Variants in PABPC4 observed in about 807,000 individuals in gnomAD.
PABPC4 encodes the protein poly(A) binding protein cytoplasmic 4.
Under a neutral mutation model 74.5 loss-of-function variants are expected in PABPC4, and 15 were observed. That is an observed-to-expected ratio of 0.20 (90% CI 0.13 to 0.31). PABPC4 has a LOEUF of 0.31. Among genes scored for constraint, PABPC4 ranks in the 10% least tolerant of loss-of-function variants. The probability of loss-of-function intolerance (pLI) is 1.00; values close to 1 mark genes in which losing one functional copy is unlikely to be tolerated. For missense variants in PABPC4, 610 were observed against 853.5 expected, an observed-to-expected ratio of 0.71 and a Z score of 3.55; for synonymous variants, 345 against 303.0, an observed-to-expected ratio of 1.14 and a Z score of -1.44.
At position 39,565,172 on chromosome 1, in the gene PABPC4, AG is replaced by A; in HGVS notation, c.1178del (p.Pro393LeufsTer6). 1 of 1,614,158 alleles carries A rather than the reference AG, an allele frequency of 6.2e-7. No homozygotes were observed. The highest frequency in any genetic ancestry group is 8.5e-7 in the Non-Finnish European group (1 of 1,179,992). ...GGAACTGATTTAAGATGGCATTGGC[AG>A]GAAGTGCTCTCATTCCAGCCACTCG... Reference protein sequence around the residue: ...MQRVAGMRALPANAILNQFQP... With the variant: ...MQRVAGMRALXANAILNQFQP... On this transcript the variant is annotated frameshift_variant, in exon 8 of 16. Coordinates refer to ENST00000372858, the MANE Select transcript of PABPC4 (RefSeq NM_001135653.2). LOFTEE classifies it high-confidence loss of function.
chr1:39,567,557 T>C, intron 7 of PABPC4, 194 bp downstream of exon 7: 1 of 682,874 alleles, frequency 1.5e-6, no homozygotes, highest in Admixed American at 1.8e-5. Flanking sequence ...CAGACTCCAG[T>C]GCTTGGGAAA....
Position 39,561,590 on chromosome 1 carries a change from G to T in PABPC4, c.*13+95C>A, listed in dbSNP as rs1461080936. 4 of 796,134 alleles carry T rather than the reference G, an allele frequency of 5.0e-6. No individual in the cohort carries two copies. The African/African-American group carries it at 6.8e-5, about 14-fold the overall frequency. The allele number at this position is 796,134 out of a possible 1,614,324, so 49.3% of individuals were successfully genotyped here. On this transcript the variant is annotated intron_variant, in intron 15 of 15. Coordinates refer to ENST00000372858, the MANE Select transcript of PABPC4 (RefSeq NM_001135653.2). ...GTACTTATTGTATTCCCAGAGCTAA[G>T]CAGTGAGCATATATACAACCTCAGG...
intron 12 of PABPC4, chr1:39,563,326 TG>T (rs1334791111): frequency 8.1e-6 from 3 of 368,642 alleles, no homozygotes; most frequent in Non-Finnish European, 1.5e-5. Context: ...GGAAGTGACC[TG>T]GAGGCTCAAA....
chr1:39,569,706 G>A lies in PABPC4; in HGVS notation c.644-17C>T. ...GGGTCTTACCTATTACCAAAGGACA[G>A]AACTATTAGTAACACCATCTTGAGC... On this transcript the variant is annotated splice_polypyrimidine_tract_variant and intron_variant, in intron 4 of 15. Transcript: ENST00000372858. The A allele has an allele frequency of 1.9e-6, 3 of 1,600,400 alleles. No individual in the cohort carries two copies. The highest frequency in any genetic ancestry group is 2.6e-6 in the Non-Finnish European group (3 of 1,167,474).
intron 2 of PABPC4, among the ~76,000 whole-genome samples, chr1:39,572,077 TAA>T (rs1645950208): frequency 6.6e-6 from 1 of 152,224 alleles, no homozygotes; most frequent in Admixed American, 6.5e-5. Flanking sequence ...CTAAAGTGAT[TAA>T]GTTTCCTCAA....
At chr1:39,569,046 A>C in intron 5 of PABPC4, 107 bp from the exon 6 acceptor site, 1 of 1,171,768 alleles carries the variant, frequency 8.5e-7, no homozygotes. Flanking sequence ...TAAAAACTAA[A>C]TTCACTCCAC....
At chr1:39,568,134 G>A (rs939338113) in intron 6 of PABPC4, 4 of 267,624 alleles carry the variant, frequency 1.5e-5, no homozygotes, top group Admixed American at 5.2e-5. Context: ...GCGGGTGCCT[G>A]TAGTCCCAGC....
chr1:39,570,792 G>A (rs949807024), intron 3 of PABPC4, among the ~76,000 whole-genome samples: 2 of 152,318 alleles, frequency 1.3e-5, no homozygotes, highest in Middle Eastern at 3.4e-3. Context: ...GGAGAACCGC[G>A]GGGACAATTT....
intron 7 of PABPC4, among the ~76,000 whole-genome samples, chr1:39,567,223 T>G (rs1477298121): frequency 6.6e-6 from 1 of 152,188 alleles, no homozygotes; most frequent in Admixed American, 6.5e-5. Flanking sequence ...GCTAACTTAG[T>G]TGATATGATT....
At chr1:39,562,271 C>G in intron 13 of PABPC4, 52 bp downstream of exon 13, 14 of 1,607,874 alleles carry the variant, frequency 8.7e-6, no homozygotes, top group Non-Finnish European at 1.2e-5. Context: ...GGTGTCCTAG[C>G]TGGCATCAGG....
rs367691442 is a variant in PABPC4 at position 39,561,647 on chromosome 1, A to G, written c.*13+38T>C. ...CACAAAGACAATGCTCATAGGAACAATGCTCATAGGAACAAAAATGAAAAT... is the reference window on the plus strand; with the variant it reads ...CACAAAGACAATGCTCATAGGAACAGTGCTCATAGGAACAAAAATGAAAAT... On this transcript the variant is annotated intron_variant, in intron 15 of 15. Transcript: ENST00000372858. 4 of 1,407,942 alleles carry G rather than the reference A, an allele frequency of 2.8e-6. No homozygotes were observed. The African/African-American group carries it at 5.6e-5, about 20-fold the overall frequency. The allele number at this position is 1,407,942 out of a possible 1,614,324, so 87.2% of individuals were successfully genotyped here. A position where few individuals can be genotyped will look rare whatever the true frequency, so the allele number is the denominator to read the frequency against.
chr1:39,568,567 G>T, intron 6 of PABPC4: 1 of 440,722 alleles, frequency 2.3e-6, no homozygotes, highest in Non-Finnish European at 3.9e-6. Flanking sequence ...AAAGCAACAG[G>T]CTGAGGCTTC....
intron 7 of PABPC4, among the ~76,000 whole-genome samples, chr1:39,567,110 C>T (rs928249451): frequency 6.6e-6 from 1 of 152,094 alleles, no homozygotes; most frequent in East Asian, 1.9e-4. Flanking sequence ...CATCCTGCTC[C>T]CAAAGTGCCA....
chr1:39,564,023 T>C (rs1223555143), intron 10 of PABPC4, 101 bp from the exon 11 acceptor site: 9 of 1,003,522 alleles, frequency 9.0e-6, no homozygotes, highest in Admixed American at 4.0e-5. Context: ...CGCAACACAT[T>C]GCACAGGGGG....
At chr1:39,568,257 GAAA>G (rs201261264) in intron 6 of PABPC4, 380 of 135,112 alleles carry the variant, frequency 2.8e-3, no homozygotes, top group African/African-American at 9.7e-3. Flanking sequence ...ACTGTCTCAA[GAAA>G]AAAAAAAAAA....
chr1:39,565,301 G>A lies in PABPC4; in HGVS notation c.1050C>T (p.Val350=), dbSNP rs1557714967. 7 of 1,614,156 alleles carry A rather than the reference G, an allele frequency of 4.3e-6. No individual in the cohort carries two copies. The highest frequency in any genetic ancestry group is 5.9e-6 in the Non-Finnish European group (7 of 1,180,042). Residue 350 remains valine, a synonymous_variant, in exon 8 of 16, where the codon GTC becomes GTT. Transcript: ENST00000372858. ...FSSPEEATKA[V]TEMNGRIVGS... is the part of the protein sequence containing the mutation. ...CCACAATGCGTCCATTCATCTCAGT[G>A]ACTGCTTTGGTTGCTTCTTCAGGAG...
At chr1:39,574,184 G>C (rs1002236302) in intron 1 of PABPC4, among the ~76,000 whole-genome samples, 1 of 152,218 alleles carries the variant, frequency 6.6e-6, no homozygotes. Flanking sequence ...CATCTGTGTG[G>C]GGGGTAGTTG....
At chr1:39,561,285 C>A in intron 15 of PABPC4, 163 bp from the exon 16 acceptor site, 1 of 350,464 alleles carries the variant, frequency 2.9e-6, no homozygotes, top group South Asian at 2.3e-5. Context: ...TACTGTACAA[C>A]ATTTAGCAGC....
intron 7 of PABPC4, among the ~76,000 whole-genome samples, chr1:39,566,671 TA>T (rs1645848604): frequency 6.6e-6 from 1 of 152,176 alleles, no homozygotes; most frequent in South Asian, 2.1e-4. Context: ...GATGGGCCAG[TA>T]AGGTATGTGA....
Sources: allele counts gnomAD v4.1 joint callset (sites outside exome capture counted in the v4.1 genomes callset), GRCh38; gene constraint gnomAD v4.1.1; transcripts MANE v1.5; gene names NCBI Gene and HGNC (gene_info 2026-07-23, HGNC 2026-07-21).